Variants in COL15A1 observed in about 807,000 individuals in gnomAD.
COL15A1 encodes the protein collagen type XV alpha 1 chain, also known as collagen alpha-1(XV) chain.
COL15A1 carries 111 observed loss-of-function variants against 165.9 expected under a neutral mutation model. That is an observed-to-expected ratio of 0.67 (90% CI 0.57 to 0.78). COL15A1 has a LOEUF of 0.78. COL15A1 is among the 30% of genes least tolerant of loss of function. COL15A1 has a pLI of 0.00. For synonymous variants in COL15A1, 659 were observed against 674.8 expected (o/e 0.98, Z 0.36); for missense variants, 1,745 against 1,789.7 (o/e 0.98, Z 0.45).
intron 2 of COL15A1, among the ~76,000 whole-genome samples, chr9:98,979,508 T>G (rs1838198218): frequency 6.6e-6 from 1 of 152,210 alleles, no homozygotes. Context: ...TGTCTAGAAT[T>G]TTCTATTCTT....
At chr9:99,040,829 AC>A (rs1466751057) in intron 23 of COL15A1, 3 of 497,636 alleles carry the variant, frequency 6.0e-6, no homozygotes, top group African/African-American at 5.7e-5. Context: ...GATTTTCTGA[AC>A]TTTTTACATT....
Position 99,062,249 on chromosome 9 carries a change from G to C in COL15A1, c.3536G>C (p.Gly1179Ala). ...VRDGWKKLQL[G>A]ELIPIPADSP... ...AATGTACTGTTTTTCTTAAAGCTGGGAGAACTGATCCCCATTCCTGCCGAC... is the reference window on the plus strand; with the variant it reads ...AATGTACTGTTTTTCTTAAAGCTGGCAGAACTGATCCCCATTCCTGCCGAC... Residue 1179 changes from glycine to alanine, a missense_variant, in exon 38 of 42, where the codon GGA (glycine) becomes GCA (alanine). Physicochemically the swap from Gly to Ala is moderately conservative, Grantham distance 60. Transcript: ENST00000375001. 1.2e-6 allele frequency: 2 copies of C among 1,613,612 alleles called. No individual in the cohort carries two copies. Among genetic ancestry groups the C allele is most frequent in the Non-Finnish European group, 1.7e-6 (2 of 1,179,598 alleles).
chr9:99,019,113 C>G (rs1369439248), intron 11 of COL15A1, among the ~76,000 whole-genome samples: 1 of 152,144 alleles, frequency 6.6e-6, no homozygotes, highest in African/African-American at 2.4e-5. Context: ...ATGAATGCCC[C>G]GATTCCTGAG....
intron 2 of COL15A1, among the ~76,000 whole-genome samples, chr9:98,983,398 A>G (rs1838261546): frequency 6.6e-6 from 1 of 152,178 alleles, no homozygotes; most frequent in Non-Finnish European, 1.5e-5. Context: ...CCCCCATCTC[A>G]GTGAGGCTGC....
intron 5 of COL15A1, among the ~76,000 whole-genome samples, chr9:98,994,810 A>C (rs1003976138): frequency 2.6e-5 from 4 of 152,114 alleles, no homozygotes; most frequent in African/African-American, 4.8e-5. Flanking sequence ...CCCCATTCAC[A>C]TTGACCTCTG....
intron 6 of COL15A1, among the ~76,000 whole-genome samples, chr9:98,999,078 C>G (rs142251450): frequency 6.6e-6 from 1 of 152,164 alleles, no homozygotes; most frequent in Admixed American, 6.5e-5. Flanking sequence ...CGAGAGTGCT[C>G]GACCCGTGCT....
chr9:99,004,275 G>T (rs1466097410), intron 8 of COL15A1, among the ~76,000 whole-genome samples: 2 of 152,174 alleles, frequency 1.3e-5, no homozygotes, highest in African/African-American at 4.8e-5. Flanking sequence ...AAGAGGCCGG[G>T]CTTGGGGGCT....
intron 5 of COL15A1, among the ~76,000 whole-genome samples, chr9:98,989,710 T>C (rs915063266): frequency 1.9e-4 from 29 of 152,214 alleles, no homozygotes; most frequent in Admixed American, 6.5e-5. Context: ...CCCTGAACGA[T>C]GGCTCTTGTT....
intron 6 of COL15A1, among the ~76,000 whole-genome samples, chr9:98,998,285 A>C (rs1020919663): frequency 6.6e-6 from 1 of 152,192 alleles, no homozygotes; most frequent in Non-Finnish European, 1.5e-5. Context: ...AATAATACAT[A>C]TCACTATTCT....
intron 2 of COL15A1, among the ~76,000 whole-genome samples, chr9:98,962,142 T>C (rs1304823706): frequency 1.3e-5 from 2 of 152,256 alleles, no homozygotes; most frequent in African/African-American, 4.8e-5. Flanking sequence ...CTTTTTATTT[T>C]TTATCTCTCT....
intron 2 of COL15A1, 93 bp from the exon 3 acceptor site, chr9:98,985,472 T>A: frequency 8.1e-7 from 1 of 1,231,966 alleles, no homozygotes; most frequent in Non-Finnish European, 1.1e-6. Flanking sequence ...GGTTCCTGAG[T>A]GATCCCGTTT....
At chr9:99,040,458 G>T in intron 22 of COL15A1, 63 bp from the exon 23 acceptor site, 2 of 1,613,598 alleles carry the variant, frequency 1.2e-6, no homozygotes, top group South Asian at 1.1e-5. Flanking sequence ...GGAGGGAGGG[G>T]GTCCTGCTGA....
chr9:99,007,699 A>T (rs1222498440), intron 9 of COL15A1, among the ~76,000 whole-genome samples: 1 of 152,222 alleles, frequency 6.6e-6, no homozygotes, highest in Non-Finnish European at 1.5e-5. Context: ...AAAGTGGCTT[A>T]TTATGTAAAT....
chr9:99,068,494 A>C (rs1345165803), intron 40 of COL15A1, 61 bp from the exon 41 acceptor site: 6 of 712,628 alleles, frequency 8.4e-6, no homozygotes, highest in Non-Finnish European at 1.3e-5. Flanking sequence ...AAAGAGTAAA[A>C]ATCTAACTCA....
chr9:99,046,845 G>A (rs1227277915), intron 26 of COL15A1, among the ~76,000 whole-genome samples: 1 of 152,228 alleles, frequency 6.6e-6, no homozygotes, highest in African/African-American at 2.4e-5. Flanking sequence ...CAAGTGGCCT[G>A]TGCCCTGTCA....
intron 11 of COL15A1, among the ~76,000 whole-genome samples, chr9:99,019,911 T>C (rs1350731725): frequency 6.6e-6 from 1 of 152,196 alleles, no homozygotes; most frequent in Non-Finnish European, 1.5e-5. Context: ...CTGGATTTTT[T>C]AGTGCTTTGG....
intron 16 of COL15A1, among the ~76,000 whole-genome samples, chr9:99,031,240 G>A (rs931714956): frequency 6.6e-6 from 1 of 152,138 alleles, no homozygotes; most frequent in African/African-American, 2.4e-5. Context: ...TCACCTGGGA[G>A]CCCAGACCAC....
chr9:99,034,539 T>TTTTTG lies in COL15A1; in HGVS notation c.2044-6_2044-5insGTTTT. The TTTTTG allele has an allele frequency of 6.3e-7, 1 of 1,584,024 alleles. No homozygotes were observed. The highest frequency in any genetic ancestry group is 8.5e-7 in the Non-Finnish European group (1 of 1,171,154). On this transcript the variant is annotated splice_polypyrimidine_tract_variant and intron_variant, in intron 16 of 41. Coordinates refer to ENST00000375001, the MANE Select transcript of COL15A1 (RefSeq NM_001855.5). ...TAATTGGTCCATGTTTTTGTTTTTG[T>TTTTTG]TTTTTTCAGGGAGCAAGAGGGCCTA...
chr9:99,035,961 A>G (rs2119052669), intron 19 of COL15A1, among the ~76,000 whole-genome samples: 1 of 152,184 alleles, frequency 6.6e-6, no homozygotes, highest in Non-Finnish European at 1.5e-5. Flanking sequence ...GAGGACCCTC[A>G]CCCAATGCTG....
Sources: gnomAD v4.1 joint callset for allele counts (sites outside exome capture counted in the v4.1 genomes callset) on GRCh38, gnomAD v4.1.1 for gene constraint, MANE v1.5 for transcripts, NCBI Gene and HGNC (gene_info 2026-07-23, HGNC 2026-07-21) for gene names.